Variants in ZNF800 observed in about 807,000 individuals in gnomAD.
ZNF800 encodes the protein zinc finger protein 800.
A neutral mutation model predicts 59.5 loss-of-function variants in ZNF800; 13 were observed. The observed-to-expected ratio is 0.22, with a 90% CI of 0.14 to 0.35. ZNF800 has a LOEUF of 0.35. ZNF800 is among the 10% of genes least tolerant of loss of function. The pLI, the probability that ZNF800 is intolerant of heterozygous loss-of-function variation, is 1.00. For synonymous variants in ZNF800, 266 were observed against 265.7 expected, an observed-to-expected ratio of 1.00 and a Z score of -0.01; for missense variants, 621 against 783.7, an observed-to-expected ratio of 0.79 and a Z score of 2.48.
At chr7:127,363,772 T>A (rs552584563) in intron 1 of ZNF800, 1 of 151,998 alleles carries the variant, frequency 6.6e-6, no homozygotes, top group Non-Finnish European at 1.5e-5. Context: ...AGGAAAGAAC[T>A]TGGTTGGAAG....
intron 5 of ZNF800, chr7:127,372,903 T>C (rs975056427): frequency 3.7e-5 from 36 of 984,932 alleles, no homozygotes; most frequent in African/African-American, 8.7e-5. Flanking sequence ...TTTTTTCCTA[T>C]AGTTATCGCC....
chr7:127,352,350 G>GA lies in ZNF800; in HGVS notation n.225-4308dup, dbSNP rs200126087. ...AACTCAACTGCATTAAATTCTAATA[G>GA]AAAAAAAGTATCAAAAGAGAAAGTC... On this transcript the variant is annotated intron_variant and non_coding_transcript_variant, in intron 1 of 1. Coordinates refer to the ZNF800 transcript ENST00000485577. Among the ~76,000 whole-genome samples the GA allele has an allele frequency of 5.6e-3, 848 of 152,136 alleles. 11 individuals carry two copies. The highest frequency in any genetic ancestry group is 0.019 in the African/African-American group (783 of 41,506).
intron 3 of ZNF800, among the ~76,000 whole-genome samples, chr7:127,383,910 A>G (rs963271488): frequency 4.6e-5 from 7 of 152,178 alleles, no homozygotes; most frequent in African/African-American, 1.7e-4. Flanking sequence ...AAATTTGCTG[A>G]TATCATTTTA....
intron 1 of ZNF800, chr7:127,349,697 CCT>C (rs1322815778): frequency 6.6e-6 from 1 of 152,096 alleles, no homozygotes; most frequent in African/African-American, 2.4e-5. Context: ...GAGAATAAAT[CCT>C]CTTAAGGCCA....
intron 1 of ZNF800, among the ~76,000 whole-genome samples, chr7:127,352,177 T>C (rs913172537): frequency 6.6e-6 from 1 of 152,212 alleles, no homozygotes; most frequent in Non-Finnish European, 1.5e-5. Context: ...ATCACACTCA[T>C]CTATAAACAT....
At chr7:127,363,512 A>G (rs1800437856) in intron 1 of ZNF800, 1 of 152,016 alleles carries the variant, frequency 6.6e-6, no homozygotes, top group South Asian at 2.1e-4. Flanking sequence ...GGGTACAAAA[A>G]AAAGACAGGA....
Position 127,373,453 on chromosome 7 carries a change from G to C in ZNF800, c.1883C>G (p.Ala628Gly). Reference protein sequence around the residue: ...HRCNKCGKAFAKKTYLEHHKK... With the variant: ...HRCNKCGKAFGKKTYLEHHKK... ...ATGATGTTCAAGGTAAGTCTTTTTG[G>C]CAAATGCCTTTCCACATTTATTGCA... is the stretch of plus-strand genomic sequence containing the variant. The change falls in exon 5 of 6, where the codon GCC (alanine) becomes GGC (glycine). Residue 628 changes from alanine (A) to glycine (G), a missense_variant. Around this residue, in one of 7 missense-constraint regions of ZNF800, gnomAD observed 94 missense variants for 108.5 expected, o/e 0.87. Coordinates refer to ENST00000265827, the MANE Select transcript of ZNF800 (RefSeq NM_176814.5). The C allele has an allele frequency of 6.2e-7, 1 of 1,614,024 alleles. No individual in the cohort carries two copies. The highest frequency in any genetic ancestry group is 8.5e-7 in the Non-Finnish European group (1 of 1,179,986).
chr7:127,391,775 A>T (rs995214810), intron 1 of ZNF800, among the ~76,000 whole-genome samples, 160 bp from the exon 2 acceptor site: 1 of 152,172 alleles, frequency 6.6e-6, no homozygotes, highest in Non-Finnish European at 1.5e-5. Flanking sequence ...ACCCTCCTGC[A>T]GCCCAAACTC....
chr7:127,370,005 G>T (rs1269383990), downstream of ZNF800: 1 of 152,092 alleles, frequency 6.6e-6, no homozygotes, highest in East Asian at 1.9e-4. Flanking sequence ...TTTGGAATAT[G>T]TCTTGTGTGT....
At chr7:127,348,091 A>C (rs1023575098) in intron 1 of ZNF800, 1 of 151,772 alleles carries the variant, frequency 6.6e-6, no homozygotes, top group African/African-American at 2.4e-5. Context: ...AAAGACAAAG[A>C]TATGCGGGTT....
chr7:127,345,252 C>T (rs1179143182), downstream of ZNF800, among the ~76,000 whole-genome samples: 1 of 151,842 alleles, frequency 6.6e-6, no homozygotes, highest in East Asian at 1.9e-4. Flanking sequence ...TCTAGACATC[C>T]AAACATGGTC....
intron 1 of ZNF800, among the ~76,000 whole-genome samples, chr7:127,353,762 A>G (rs1391121182): frequency 1.3e-5 from 2 of 152,176 alleles, no homozygotes; most frequent in Non-Finnish European, 2.9e-5. Context: ...AATTTGGTCC[A>G]TAAGATCTAA....
intron 1 of ZNF800, among the ~76,000 whole-genome samples, chr7:127,359,404 A>G (rs1428808913): frequency 2.0e-5 from 3 of 152,156 alleles, no homozygotes; most frequent in African/African-American, 7.2e-5. Flanking sequence ...CTATAACACT[A>G]TTTCCACCTC....
At chr7:127,365,569 CT>C (rs1800487273), downstream of ZNF800, among the ~76,000 whole-genome samples, 1 of 152,060 alleles carries the variant, frequency 6.6e-6, no homozygotes, top group South Asian at 2.1e-4. Context: ...CAAAACAAAA[CT>C]GTCCTGAGTT....
chr7:127,373,109 T>C (rs1587438266), intron 5 of ZNF800: 3 of 985,420 alleles, frequency 3.0e-6, no homozygotes, highest in Non-Finnish European at 3.6e-6. Flanking sequence ...TACAACTACA[T>C]TGCATTGTCC....
intron 1 of ZNF800, chr7:127,351,421 C>G (rs1800166476): frequency 6.6e-6 from 1 of 152,130 alleles, no homozygotes; most frequent in African/African-American, 2.4e-5. Context: ...GTTCTGAGAC[C>G]ACCACCTTTA....
chr7:127,380,442 A>G (rs1224966371), intron 3 of ZNF800, among the ~76,000 whole-genome samples: 1 of 152,264 alleles, frequency 6.6e-6, no homozygotes, highest in African/African-American at 2.4e-5. Context: ...AATTCCACTT[A>G]CATAGTTAAC....
intron 1 of ZNF800, chr7:127,360,389 A>C: frequency 6.6e-6 from 1 of 152,174 alleles, no homozygotes; most frequent in East Asian, 1.9e-4. Context: ...CTACTCTAGT[A>C]CATTGAAAAT....
chr7:127,361,001 A>T (rs1364413608), intron 1 of ZNF800: 2 of 152,120 alleles, frequency 1.3e-5, no homozygotes, highest in African/African-American at 4.8e-5. Context: ...TGTACTCAGT[A>T]TTGTGCTCAG....
Sources: allele counts gnomAD v4.1 joint callset (sites outside exome capture counted in the v4.1 genomes callset), GRCh38; gene constraint gnomAD v4.1.1; regional missense constraint gnomAD v4.1.1; transcripts MANE v1.5; gene names NCBI Gene and HGNC (gene_info 2026-07-23, HGNC 2026-07-21).